Variants in HTR1F observed in about 807,000 individuals in gnomAD.
HTR1F encodes 5-hydroxytryptamine (serotonin) receptor 1F, G protein-coupled.
A neutral mutation model predicts 24.0 loss-of-function variants in HTR1F; 17 were observed. The observed-to-expected ratio is 0.71, with a 90% CI of 0.48 to 1.06. The LOEUF (loss-of-function observed/expected upper bound fraction) is 1.06, where lower values mean the gene tolerates loss of function less well. Ranked by LOEUF, HTR1F falls within the 50% of genes least tolerant of loss-of-function variation. The pLI, the probability that HTR1F is intolerant of heterozygous loss-of-function variation, is 0.00. For synonymous variants in HTR1F, 186 were observed against 156.8 expected (o/e 1.19, Z -1.39); for missense variants, 391 against 427.8 (o/e 0.91, Z 0.76).
chr3:87,923,275 G>T (rs1704050972), intron 2 of HTR1F, among the ~76,000 whole-genome samples: 1 of 151,860 alleles, frequency 6.6e-6, no homozygotes, highest in African/African-American at 2.4e-5. Context: ...ATGAATTTTA[G>T]AATATTTTTT....
chr3:87,941,480 C>T (rs990942172), intron 2 of HTR1F, among the ~76,000 whole-genome samples: 9 of 152,090 alleles, frequency 5.9e-5, no homozygotes, highest in Non-Finnish European at 5.9e-5. Flanking sequence ...AATTTAAGAG[C>T]GCTTGGGTGG....
chr3:87,792,783 C>T lies in HTR1F; in HGVS notation c.-219C>T, dbSNP rs1248755697. ...CCCCGTGGGGTCGCCCCTGCCCTCC[C>T]GCGCCCCGGGGCTGGGGGCGCCACC... On this transcript the variant is annotated 5_prime_UTR_variant, in exon 1 of 3. Coordinates refer to ENST00000319595, the MANE Select transcript of HTR1F (RefSeq NM_001322209.2). Among the ~76,000 whole-genome samples the T allele has an allele frequency of 6.6e-6, 1 of 152,196 alleles. No homozygotes were observed. Among genetic ancestry groups the T allele is most frequent in the Non-Finnish European group, 1.5e-5 (1 of 68,032 alleles).
intron 2 of HTR1F, among the ~76,000 whole-genome samples, chr3:87,867,595 G>A (rs1196174651): frequency 1.3e-5 from 2 of 148,856 alleles, no homozygotes; most frequent in Non-Finnish European, 3.0e-5. Context: ...GAAAATCAAT[G>A]TATATATGTG....
intron 2 of HTR1F, among the ~76,000 whole-genome samples, chr3:87,982,607 T>C (rs1705569651): frequency 6.6e-6 from 1 of 152,046 alleles, no homozygotes; most frequent in South Asian, 2.1e-4. Context: ...AAGAGCAGAG[T>C]CAAGAGCCTG....
intron 2 of HTR1F, among the ~76,000 whole-genome samples, chr3:87,937,083 CAAAAAA>C (rs35169317): frequency 1.1e-4 from 12 of 113,890 alleles, no homozygotes; most frequent in South Asian, 3.0e-4. Context: ...TGAAACTACC[CAAAAAA>C]AAAAAAAAAA....
At chr3:87,925,024 T>C (rs910399250) in intron 2 of HTR1F, among the ~76,000 whole-genome samples, 2 of 152,108 alleles carry the variant, frequency 1.3e-5, no homozygotes, top group Non-Finnish European at 2.9e-5. Flanking sequence ...ATAATGCGAA[T>C]ATGGTGATCC....
At chr3:87,987,758 ATATATATGTATTTTATATATGTATTT>A (rs1447865965) in intron 2 of HTR1F, among the ~76,000 whole-genome samples, 2 of 134,460 alleles carry the variant, frequency 1.5e-5, no homozygotes, top group African/African-American at 5.8e-5. Context: ...TATATGTATT[ATATATATGTATTTTATATATGTATTT>A]TATATATATA....
intron 2 of HTR1F, among the ~76,000 whole-genome samples, chr3:87,979,031 GGAGGGA>G (rs1705468732): frequency 2.7e-4 from 1 of 3,674 alleles, no homozygotes; most frequent in Non-Finnish European, 1.2e-3. Flanking sequence ...AGGGAGGGAG[GGAGGGA>G]GGGGGGGAGG....
At chr3:87,813,655 A>T (rs1468103729) in intron 1 of HTR1F, among the ~76,000 whole-genome samples, 5 of 152,154 alleles carry the variant, frequency 3.3e-5, no homozygotes, top group African/African-American at 7.2e-5. Context: ...TCTCATCTCA[A>T]ATTGTAATCT....
At chr3:87,969,473 G>T (rs901010855) in intron 2 of HTR1F, among the ~76,000 whole-genome samples, 2 of 152,188 alleles carry the variant, frequency 1.3e-5, no homozygotes, top group African/African-American at 4.8e-5. Context: ...AGATTTGACT[G>T]CCCTGCTGGA....
intron 2 of HTR1F, among the ~76,000 whole-genome samples, chr3:87,933,468 T>C (rs1182192536): frequency 1.3e-5 from 2 of 152,130 alleles, no homozygotes; most frequent in Admixed American, 6.6e-5. Context: ...TTGTCTAAGC[T>C]CAAAATCTCC....
At chr3:87,903,488 A>G (rs1174746921) in intron 2 of HTR1F, among the ~76,000 whole-genome samples, 1 of 151,922 alleles carries the variant, frequency 6.6e-6, no homozygotes, top group Non-Finnish European at 1.5e-5. Flanking sequence ...ACTTCTCAAA[A>G]GAAGACATTT....
chr3:87,862,812 T>TTTTTC (rs762851922), intron 2 of HTR1F, among the ~76,000 whole-genome samples: 13 of 152,050 alleles, frequency 8.5e-5, no homozygotes, highest in Non-Finnish European at 1.5e-4. Flanking sequence ...TTACTCTTTT[T>TTTTTC]TTTTCTTTTC....
chr3:87,838,872 T>G (rs1455524441), intron 2 of HTR1F, among the ~76,000 whole-genome samples: 1 of 151,996 alleles, frequency 6.6e-6, no homozygotes, highest in Non-Finnish European at 1.5e-5. Context: ...GTAAGGCTGT[T>G]TCCTTGTTGT....
Position 87,959,590 on chromosome 3 carries a change from C to T in HTR1F, c.-42-31118C>T, listed in dbSNP as rs573162194. Among the ~76,000 whole-genome samples, 7 of 151,872 alleles carry T rather than the reference C, an allele frequency of 4.6e-5. No homozygotes were observed. The South Asian group carries it at 8.3e-4, about 18-fold the overall frequency. On this transcript the variant is annotated intron_variant, in intron 2 of 2. Coordinates refer to ENST00000319595, the MANE Select transcript of HTR1F (RefSeq NM_001322209.2). ...AAGAAAGTGGTACTTTACTTAAATT[C>T]GCTTTGTTAAACCTCCAACAATGTC...
At chr3:87,868,418 G>A (rs1489364198) in intron 2 of HTR1F, among the ~76,000 whole-genome samples, 1 of 151,952 alleles carries the variant, frequency 6.6e-6, no homozygotes, top group Non-Finnish European at 1.5e-5. Flanking sequence ...CTTAGAGAAA[G>A]AAATGGTTAA....
intron 2 of HTR1F, among the ~76,000 whole-genome samples, chr3:87,907,846 A>G (rs1703699923): frequency 6.6e-6 from 1 of 152,064 alleles, no homozygotes; most frequent in Non-Finnish European, 1.5e-5. Context: ...GCAAAGAAAG[A>G]ATAATTTTTG....
intron 1 of HTR1F, among the ~76,000 whole-genome samples, chr3:87,815,984 T>A (rs948551320): frequency 6.6e-6 from 1 of 152,138 alleles, no homozygotes; most frequent in Admixed American, 6.5e-5. Context: ...TCTATTCTCA[T>A]GAAATGCACT....
At chr3:87,892,267 G>T (rs1706101322) in intron 2 of HTR1F, among the ~76,000 whole-genome samples, 1 of 152,128 alleles carries the variant, frequency 6.6e-6, no homozygotes, top group Non-Finnish European at 1.5e-5. Flanking sequence ...GCTATAAAAT[G>T]GAGTATGCTG....
Sources: allele counts gnomAD v4.1 joint callset (sites outside exome capture counted in the v4.1 genomes callset), GRCh38; gene constraint gnomAD v4.1.1; transcripts MANE v1.5; gene names NCBI Gene and HGNC (gene_info 2026-07-23, HGNC 2026-07-21).